The following GJB1 variants were observed in gnomAD, a reference collection of about 807,000 sequenced individuals.
The protein encoded by GJB1 is gap junction beta-1 protein.
GJB1 carries 1 observed loss-of-function variant against 12.0 expected under a neutral mutation model. That is an observed-to-expected ratio of 0.08 (90% CI 0.03 to 0.40). GJB1 has a LOEUF of 0.40. GJB1 is among the 10% of genes least tolerant of loss of function. The probability of loss-of-function intolerance (pLI) is 0.98; values close to 1 mark genes in which losing one functional copy is unlikely to be tolerated. For synonymous variants in GJB1, 114 were observed against 102.8 expected (o/e 1.11, Z -0.66); for missense variants, 140 against 250.3 (o/e 0.56, Z 2.97).
At chrX:71,222,943 C>T (rs2092540378), upstream of GJB1, among the ~76,000 whole-genome samples, 2 of 110,982 alleles carry the variant, frequency 1.8e-5, no homozygotes, top group African/African-American at 6.6e-5. Flanking sequence ...CCCCTGGGGT[C>T]CCCTCTTCAC....
chrX:71,217,662 TCTC>T (rs1189680647), intron 1 of GJB1: 2 of 111,215 alleles, frequency 1.8e-5, no homozygotes, highest in African/African-American at 6.5e-5. Context: ...AGGGATCAGT[TCTC>T]CTTCCAAAGG....
chrX:71,221,518 T>C (rs2092538019), upstream of GJB1, among the ~76,000 whole-genome samples: 1 of 110,188 alleles, frequency 9.1e-6, no homozygotes, highest in Non-Finnish European at 1.9e-5. Flanking sequence ...CAGGGCTGAA[T>C]ATGAGGCTTC....
At chrX:71,221,568 G>A (rs2092538099), upstream of GJB1, among the ~76,000 whole-genome samples, 1 of 110,588 alleles carries the variant, frequency 9.0e-6, no homozygotes, top group Middle Eastern at 4.7e-3. Context: ...ATGCACTGGG[G>A]TCAGGAAATG....
rs971798643 is a variant in GJB1 at position 71,223,254 on chromosome X, A to T, written c.-98A>T. 4.9e-6 allele frequency: 1 copy of T among 203,493 alleles called. No homozygotes were observed. Among genetic ancestry groups the T allele is most frequent in the South Asian group, 9.3e-5 (1 of 10,702 alleles). The allele number at this position is 203,493 out of a possible 1,213,427, so 16.8% of individuals were successfully genotyped here. ...GTGATGAATTGGGACGCAGGCGCGG[A>T]GCCCAGGGACCACTCCCCCTGCACA... On this transcript the variant is annotated 5_prime_UTR_variant, in exon 1 of 2. Transcript: ENST00000361726.
upstream of GJB1, among the ~76,000 whole-genome samples, chrX:71,221,051 T>C (rs955841911): frequency 4.7e-4 from 51 of 108,052 alleles, no homozygotes; most frequent in Middle Eastern, 4.9e-3. Context: ...TGCATGCCAC[T>C]ACACCCAGCT....
upstream of GJB1, chrX:71,222,549 T>G (rs1007843780): frequency 1.9e-5 from 2 of 105,406 alleles, no homozygotes; most frequent in African/African-American, 6.9e-5. Context: ...CTTTTTTTTT[T>G]TTTTTTTTTA....
chrX:71,224,887 A>C lies in GJB1; in HGVS notation c.*328A>C. The stretch of plus-strand genomic sequence containing the variant: ...GACAGCGTCTCCAATTATGAAACTA[A>C]TCTTAACCCTGTGCTGTCAGATACC... On this transcript the variant is annotated 3_prime_UTR_variant, in exon 2 of 2. Transcript: ENST00000361726. The C allele has an allele frequency of 1.4e-5, 5 of 348,096 alleles. No homozygotes were observed. The highest frequency in any genetic ancestry group is 1.6e-5 in the Non-Finnish European group (3 of 188,837). 28.7% of individuals were successfully genotyped at this position (348,096 alleles called of 1,213,427 possible).
intron 1 of GJB1, among the ~76,000 whole-genome samples, chrX:71,215,946 A>G (rs1007518918): frequency 2.8e-5 from 3 of 106,359 alleles, no homozygotes; most frequent in Non-Finnish European, 5.8e-5. Flanking sequence ...ATCTCGGCTC[A>G]CTGCAACCTC....
At chrX:71,215,726 C>G (rs778002959) in intron 1 of GJB1, among the ~76,000 whole-genome samples, 1 of 111,580 alleles carries the variant, frequency 9.0e-6, no homozygotes, top group Non-Finnish European at 1.9e-5. Flanking sequence ...GCACCCAACA[C>G]GGGGCTGCGA....
upstream of GJB1, among the ~76,000 whole-genome samples, chrX:71,220,958 G>A (rs777750333): frequency 2.4e-5 from 2 of 84,543 alleles, no homozygotes; most frequent in Admixed American, 1.6e-4. Flanking sequence ...GTGCAGTGGC[G>A]CAATCTCGGC....
intron 1 of GJB1, among the ~76,000 whole-genome samples, chrX:71,216,878 G>A (rs2147939738): frequency 8.9e-6 from 1 of 111,746 alleles, no homozygotes; most frequent in Non-Finnish European, 1.9e-5. Flanking sequence ...GATGAAGGCA[G>A]CCAGAAATTC....
upstream of GJB1, among the ~76,000 whole-genome samples, chrX:71,220,372 A>C (rs754277624): frequency 1.1e-5 from 1 of 89,880 alleles, no homozygotes; most frequent in African/African-American, 4.4e-5. Context: ...GGGTCATGCT[A>C]TGTTGCCCAT....
chrX:71,217,650 A>G (rs1434316896), intron 1 of GJB1: 3 of 111,852 alleles, frequency 2.7e-5, no homozygotes, highest in African/African-American at 9.7e-5. Flanking sequence ...TGATATTGAC[A>G]TAGGGATCAG....
At chrX:71,223,526 G>A (rs1464976426) in intron 1 of GJB1, among the ~76,000 whole-genome samples, 166 bp from the exon 2 acceptor site, 1 of 110,959 alleles carries the variant, frequency 9.0e-6, no homozygotes. Context: ...GTGAGGAGGA[G>A]GAGAAGCTGG....
Position 71,223,822 on chromosome X carries a change from G to A in GJB1, c.115G>A (p.Ala39Thr). Residue 39 changes from alanine to threonine, a missense_variant, in exon 2 of 2, where the codon GCT (alanine) becomes ACT (threonine). Physicochemically the swap from Ala to Thr is moderately conservative, Grantham distance 58. This residue lies in a region of GJB1 where 16 missense variants were observed against 50.0 expected (regional missense o/e 0.32). Coordinates refer to ENST00000361726, the MANE Select transcript of GJB1 (RefSeq NM_000166.6). ...CTTCAGAATCATGGTGCTGGTGGTG[G>A]CTGCAGAGAGTGTGTGGGGTGATGA... Reference protein sequence around the residue: ...FIFRIMVLVVAAESVWGDEKS... With the variant: ...FIFRIMVLVVTAESVWGDEKS... 8.3e-7 allele frequency: 1 copy of A among 1,211,383 alleles called. No homozygotes were observed. The highest frequency in any genetic ancestry group is 1.1e-6 in the Non-Finnish European group (1 of 895,260).
At position 71,224,161 on chromosome X, in the gene GJB1, G is replaced by A. The variant is rs767007801; in HGVS notation, c.454G>A (p.Val152Ile). 1.9e-5 allele frequency: 23 copies of A among 1,206,018 alleles called. No individual in the cohort carries two copies. Among genetic ancestry groups the A allele is most frequent in the Non-Finnish European group, 2.5e-5 (22 of 892,860 alleles). ...RLLFEAVFMY[V>I]FYLLYPGYAM... ...GTTGTTTGAGGCCGTCTTCATGTAT[G>A]TCTTTTATCTGCTCTACCCTGGCTA... The change falls in exon 2 of 2, where the codon GTC (valine) becomes ATC (isoleucine). Residue 152 changes from valine to isoleucine, a missense_variant. By Grantham distance (29) the Val-to-Ile change is conservative. This residue lies in a region of GJB1 where 49 missense variants were observed against 104.5 expected (regional missense o/e 0.47). Coordinates refer to ENST00000361726, the MANE Select transcript of GJB1 (RefSeq NM_000166.6).
upstream of GJB1, among the ~76,000 whole-genome samples, chrX:71,221,479 C>G (rs932464100): frequency 5.4e-5 from 6 of 110,699 alleles, no homozygotes; most frequent in East Asian, 1.7e-3. Context: ...GTTACCCCAC[C>G]CCTTTCCTCT....
chrX:71,219,936 G>C (rs2092533472), upstream of GJB1, among the ~76,000 whole-genome samples: 1 of 101,454 alleles, frequency 9.9e-6, no homozygotes, highest in African/African-American at 3.6e-5. Context: ...TCTGCCTCCC[G>C]GGTTCAAGCG....
chrX:71,223,252 G>T lies in GJB1; in HGVS notation c.-100G>T. ...CGGTGATGAATTGGGACGCAGGCGC[G>T]GAGCCCAGGGACCACTCCCCCTGCA... On this transcript the variant is annotated 5_prime_UTR_variant, in exon 1 of 2. Coordinates refer to ENST00000361726, the MANE Select transcript of GJB1 (RefSeq NM_000166.6). The T allele has an allele frequency of 4.9e-6, 1 of 202,716 alleles. No individual in the cohort carries two copies. Among genetic ancestry groups the T allele is most frequent in the Non-Finnish European group, 9.2e-6 (1 of 109,270 alleles). 16.7% of individuals were successfully genotyped at this position (202,716 alleles called of 1,213,427 possible). A position where few individuals can be genotyped will look rare whatever the true frequency, so the allele number is the denominator to read the frequency against.
Sources: allele counts gnomAD v4.1 joint callset (sites outside exome capture counted in the v4.1 genomes callset), GRCh38; gene constraint gnomAD v4.1.1; regional missense constraint gnomAD v4.1.1; transcripts MANE v1.5; gene names NCBI Gene and HGNC (gene_info 2026-07-23, HGNC 2026-07-21).